The following NPR3 variants were observed in gnomAD, a reference collection of about 807,000 sequenced individuals.
The protein encoded by NPR3 is atrial natriuretic peptide receptor 3.
Under a neutral mutation model 54.5 loss-of-function variants are expected in NPR3, and 34 were observed. That is an observed-to-expected ratio of 0.62 (90% CI 0.47 to 0.83). NPR3 has a LOEUF of 0.83. NPR3 is among the 40% of genes least tolerant of loss of function. NPR3 has a pLI of 0.00. For synonymous variants in NPR3, 289 were observed against 297.1 expected, an observed-to-expected ratio of 0.97 and a Z score of 0.28; for missense variants, 674 against 720.8, an observed-to-expected ratio of 0.94 and a Z score of 0.74.
At chr5:32,730,563 A>G (rs1739397631) in intron 2 of NPR3, among the ~76,000 whole-genome samples, 1 of 152,212 alleles carries the variant, frequency 6.6e-6, no homozygotes, top group African/African-American at 2.4e-5. Context: ...ATGGCTGTCT[A>G]TGTAGAGAAT....
At chr5:32,741,757 T>C (rs1740046424) in intron 3 of NPR3, among the ~76,000 whole-genome samples, 1 of 150,414 alleles carries the variant, frequency 6.6e-6, no homozygotes, top group Admixed American at 6.7e-5. Flanking sequence ...ATGTAGGTTT[T>C]AGTGGGGCTT....
At position 32,786,689 on chromosome 5, in the gene NPR3, G is replaced by A. The variant is rs1742652877; in HGVS notation, c.*344G>A. On this transcript the variant is annotated 3_prime_UTR_variant, in exon 8 of 8. Transcript: ENST00000265074. Reference sequence around the variant, plus strand: ...ATTTCACACAAGGATATAAAATGCGGTTTTCTTAAATGAAATGTTTTGTAG... The same window carrying A: ...ATTTCACACAAGGATATAAAATGCGATTTTCTTAAATGAAATGTTTTGTAG... The A allele has an allele frequency of 5.0e-6, 1 of 201,920 alleles. No homozygotes were observed. The highest frequency in any genetic ancestry group is 2.4e-5 in the African/African-American group (1 of 42,390). 12.5% of individuals were successfully genotyped at this position (201,920 alleles called of 1,614,324 possible). A position where few individuals can be genotyped will look rare whatever the true frequency, so the allele number is the denominator to read the frequency against.
At chr5:32,765,322 A>C (rs957430919) in intron 3 of NPR3, among the ~76,000 whole-genome samples, 3 of 152,216 alleles carry the variant, frequency 2.0e-5, no homozygotes, top group African/African-American at 7.2e-5. Flanking sequence ...ATTTCATCAC[A>C]GGGGAATCTT....
chr5:32,774,972 T>TGAGATGGGCTG, intron 4 of NPR3, 129 bp downstream of exon 4: 1 of 715,402 alleles, frequency 1.4e-6, no homozygotes, highest in Non-Finnish European at 2.5e-6. Context: ...AAGCAGCCCA[T>TGAGATGGGCTG]CTCATAGGCT....
intron 3 of NPR3, among the ~76,000 whole-genome samples, chr5:32,758,909 C>G (rs996429338): frequency 6.6e-6 from 1 of 152,072 alleles, no homozygotes; most frequent in Non-Finnish European, 1.5e-5. Flanking sequence ...TGTAGTTGAG[C>G]AGTTTTGAGT....
At chr5:32,746,490 T>G (rs923367033) in intron 3 of NPR3, among the ~76,000 whole-genome samples, 2 of 152,182 alleles carry the variant, frequency 1.3e-5, no homozygotes, top group African/African-American at 4.8e-5. Context: ...GTATGTCAGG[T>G]TGCACTGAAA....
intron 3 of NPR3, among the ~76,000 whole-genome samples, chr5:32,766,465 T>A (rs1046309603): frequency 3.9e-5 from 6 of 152,234 alleles, no homozygotes; most frequent in Admixed American, 1.3e-4. Context: ...AAGACAGCAA[T>A]GTCTGCGGTT....
At chr5:32,747,458 T>C (rs186682790) in intron 3 of NPR3, among the ~76,000 whole-genome samples, 1 of 152,304 alleles carries the variant, frequency 6.6e-6, no homozygotes, top group Non-Finnish European at 1.5e-5. Flanking sequence ...TATTCTACAA[T>C]TACATATCCT....
chr5:32,748,147 A>G (rs990229580), intron 3 of NPR3, among the ~76,000 whole-genome samples: 2 of 152,180 alleles, frequency 1.3e-5, no homozygotes, highest in Non-Finnish European at 1.5e-5. Flanking sequence ...TTCTTTGAAT[A>G]CTAATTTTCC....
intron 4 of NPR3, among the ~76,000 whole-genome samples, chr5:32,776,990 A>G (rs968891778): frequency 3.9e-5 from 6 of 152,160 alleles, no homozygotes; most frequent in African/African-American, 1.4e-4. Context: ...AGGGAATGGC[A>G]AACGTGGAGA....
chr5:32,750,606 T>C (rs865887072), intron 3 of NPR3, among the ~76,000 whole-genome samples: 2 of 152,176 alleles, frequency 1.3e-5, no homozygotes, highest in Non-Finnish European at 2.9e-5. Flanking sequence ...TGTTCAAAGA[T>C]GGTGGTGCCA....
intron 1 of NPR3, among the ~76,000 whole-genome samples, chr5:32,694,874 T>C (rs1195344352): frequency 2.0e-5 from 3 of 152,044 alleles, no homozygotes; most frequent in Non-Finnish European, 4.4e-5. Flanking sequence ...TCCCAGTCTC[T>C]GGTAATCGTC....
At chr5:32,766,941 T>C (rs1486412142) in intron 3 of NPR3, among the ~76,000 whole-genome samples, 1 of 152,202 alleles carries the variant, frequency 6.6e-6, no homozygotes, top group African/African-American at 2.4e-5. Context: ...TGAGGGACAA[T>C]TAGCTTGTTG....
Position 32,788,036 on chromosome 5 carries a change from C to T in NPR3, c.*1691C>T, listed in dbSNP as rs1177370351. ...GCAAAGGTAAGCGCAAGCTGCCTGT[C>T]CCAGATGCTGGCCCATGTGTGAGTG... On this transcript the variant is annotated 3_prime_UTR_variant, in exon 8 of 8. Transcript: ENST00000265074. The T allele has an allele frequency of 6.6e-6, 1 of 152,236 alleles. No individual in the cohort carries two copies. Among genetic ancestry groups the T allele is most frequent in the Non-Finnish European group, 1.5e-5 (1 of 68,066 alleles). The allele number at this position is 152,236 out of a possible 1,614,324, so 9.4% of individuals were successfully genotyped here.
intron 1 of NPR3, among the ~76,000 whole-genome samples, chr5:32,715,817 G>A (rs1247281376): frequency 2.6e-5 from 4 of 152,192 alleles, no homozygotes; most frequent in African/African-American, 9.6e-5. Context: ...GTGAAGAACT[G>A]TAGTTTTATC....
At chr5:32,736,250 A>AAAAAAG (rs1739744216) in intron 2 of NPR3, among the ~76,000 whole-genome samples, 1 of 128,572 alleles carries the variant, frequency 7.8e-6, no homozygotes. Flanking sequence ...AAAAAAAAAG[A>AAAAAAG]AAAAAAAAAG....
In NPR3 at chr5:32,775,385, A is replaced by G. The variant is rs1407306701; in HGVS notation, c.1195+542A>G. Among the ~76,000 whole-genome samples the G allele has an allele frequency of 8.8e-5, 13 of 148,272 alleles. No homozygotes were observed. The East Asian group carries it at 2.0e-3, about 23-fold the overall frequency. ...TCTCGGCTCACTGCAACTTCTGCCT[A>G]CTAGGTTTAAATGATTTACCTGCCT... is the stretch of plus-strand genomic sequence containing the variant. On this transcript the variant is annotated intron_variant, in intron 4 of 7. Transcript: ENST00000265074.
At chr5:32,783,232 G>C in intron 6 of NPR3, 1 of 467,492 alleles carries the variant, frequency 2.1e-6, no homozygotes, top group Non-Finnish European at 3.7e-6. Context: ...CACAATGGTA[G>C]AATGTTTCTT....
chr5:32,773,666 T>C (rs1182174146), intron 3 of NPR3, among the ~76,000 whole-genome samples: 1 of 152,148 alleles, frequency 6.6e-6, no homozygotes, highest in Non-Finnish European at 1.5e-5. Flanking sequence ...CCCGCCCTTC[T>C]CCAACCCATC....
Sources: allele counts gnomAD v4.1 joint callset (sites outside exome capture counted in the v4.1 genomes callset), GRCh38; gene constraint gnomAD v4.1.1; transcripts MANE v1.5; gene names NCBI Gene and HGNC (gene_info 2026-07-23, HGNC 2026-07-21).